The following SLFN12L variants were observed in gnomAD, a reference collection of about 807,000 sequenced individuals.
The protein encoded by SLFN12L is schlafen family member 12-like.
In SLFN12L, 34 loss-of-function variants were observed where a neutral mutation model predicts 34.8. That is an observed-to-expected ratio of 0.98 (90% CI 0.74 to 1.30). The LOEUF (loss-of-function observed/expected upper bound fraction) is 1.30, where lower values mean the gene tolerates loss of function less well. SLFN12L is among the 50% of genes most tolerant of loss of function. The probability of loss-of-function intolerance (pLI) is 0.00; values close to 1 mark genes in which losing one functional copy is unlikely to be tolerated. For synonymous variants in SLFN12L, 259 were observed against 247.5 expected (o/e 1.05, Z -0.44); for missense variants, 703 against 696.2 (o/e 1.01, Z -0.11).
At chr17:35,511,963 A>G (rs1915659887) in intron 2 of SLFN12L, among the ~76,000 whole-genome samples, 2 of 152,160 alleles carry the variant, frequency 1.3e-5, no homozygotes, top group African/African-American at 4.8e-5. Context: ...ACATGGAAAC[A>G]TTCAAGCTGT....
rs995349551 is a variant in SLFN12L at position 35,521,109 on chromosome 17, T to C, written c.86+1170A>G. 1.3e-3 allele frequency among the ~76,000 whole-genome samples: 202 copies of C among 152,280 alleles called. 5 individuals carry two copies. Among genetic ancestry groups the C allele is most frequent in the Non-Finnish European group, 8.8e-5 (6 of 68,020 alleles). ...ACATCAGACAAACCCAAAAGGGACA[T>C]TCTACAAAGTGCCTGAACAGGGCTT... On this transcript the variant is annotated intron_variant, in intron 2 of 4. Transcript: ENST00000628453.
chr17:35,529,497 A>G (rs1392917162), intron 1 of SLFN12L, among the ~76,000 whole-genome samples: 1 of 152,242 alleles, frequency 6.6e-6, no homozygotes, highest in Non-Finnish European at 1.5e-5. Context: ...CATATACACC[A>G]TGGAATACTA....
At position 35,520,943 on chromosome 17, in the gene SLFN12L, T is replaced by C. The variant is rs914780567; in HGVS notation, c.86+1336A>G. ...CCTCCCTTCTCTCAAAGTGCTGCCT[T>C]TCTGTCTAAGCTTCCCCCCAATCAG... On this transcript the variant is annotated intron_variant, in intron 2 of 4. Transcript: ENST00000628453. Among the ~76,000 whole-genome samples the C allele has an allele frequency of 2.6e-5, 4 of 152,234 alleles. 1 individual carries two copies. Among genetic ancestry groups the C allele is most frequent in the South Asian group, 2.1e-4 (1 of 4,818 alleles).
At chr17:35,498,183 G>GTGGGGGGCCGGGGCCGCC (rs1915159754) in intron 2 of SLFN12L, 2 of 624,830 alleles carry the variant, frequency 3.2e-6, no homozygotes, top group Admixed American at 5.0e-5. Flanking sequence ...AGGCGGCGGC[G>GTGGGGGGCCGGGGCCGCC]TGGGGAGCCG....
chr17:35,505,765 C>T (rs536364961), intron 2 of SLFN12L, among the ~76,000 whole-genome samples: 7 of 152,264 alleles, frequency 4.6e-5, no homozygotes, highest in East Asian at 1.9e-4. Context: ...CTGAAGAAGA[C>T]GAGAAGCCCT....
chr17:35,485,831 C>T (rs998810504), intron 2 of SLFN12L, among the ~76,000 whole-genome samples: 2 of 152,072 alleles, frequency 1.3e-5, no homozygotes, highest in Admixed American at 1.3e-4. Flanking sequence ...TTTCAGGGGT[C>T]TTTATTCTGT....
In SLFN12L at chr17:35,508,157, C is replaced by T. The variant is rs1915523145; in HGVS notation, c.86+14122G>A. Among the ~76,000 whole-genome samples, 3 of 152,182 alleles carry T rather than the reference C, an allele frequency of 2.0e-5. No individual in the cohort carries two copies. In the South Asian group the frequency reaches 6.2e-4, roughly 31 times the overall value. On this transcript the variant is annotated intron_variant, in intron 2 of 4. Coordinates refer to ENST00000628453, the MANE Select transcript of SLFN12L (RefSeq NM_001363830.2). The stretch of plus-strand genomic sequence containing the variant: ...TTCTGATTACTGGTGCATGCAGCCC[C>T]CAGTCATGTACCGCCTGCTTGCTCA...
chr17:35,527,171 A>C (rs2072344779), intron 1 of SLFN12L, among the ~76,000 whole-genome samples: 1 of 152,184 alleles, frequency 6.6e-6, no homozygotes, highest in African/African-American at 2.4e-5. Context: ...AAGAAGTCGA[A>C]TCCCTGAATA....
In SLFN12L at chr17:35,475,399, C is replaced by T; in HGVS notation, c.1363G>A (p.Glu455Lys). Residue 455 changes from glutamate to lysine, a missense_variant, in exon 5 of 5, where the codon GAA becomes AAA. Transcript: ENST00000628453. ...CCCTTATTGACAGAGCCCATTTCTT[C>T]ACATATTAATTGCTTAAGTCCTTCA... ...QHEGLKQLIC[E>K]EMGSVNKGSL... The T allele has an allele frequency of 1.2e-6, 2 of 1,614,160 alleles. No individual in the cohort carries two copies. The highest frequency in any genetic ancestry group is 1.7e-6 in the Non-Finnish European group (2 of 1,180,032).
chr17:35,491,073 G>T, intron 2 of SLFN12L: 1 of 782,272 alleles, frequency 1.3e-6, no homozygotes, highest in South Asian at 1.3e-5. Context: ...CCTCTAGTAT[G>T]ACCATTTGTG....
intron 3 of SLFN12L, chr17:35,478,391 C>A: frequency 2.6e-6 from 1 of 388,242 alleles, no homozygotes; most frequent in Non-Finnish European, 4.6e-6. Context: ...GCTGCTGAAA[C>A]ACTCTATACT....
At chr17:35,486,683 C>G (rs1381510107) in intron 2 of SLFN12L, among the ~76,000 whole-genome samples, 1 of 152,194 alleles carries the variant, frequency 6.6e-6, no homozygotes, top group Non-Finnish European at 1.5e-5. Flanking sequence ...AACCTTGGGT[C>G]TAGGTTTACA....
At chr17:35,478,608 C>T (rs1309908717) in intron 3 of SLFN12L, 51 of 165,808 alleles carry the variant, frequency 3.1e-4, no homozygotes, top group Non-Finnish European at 3.8e-5. Context: ...GGAGGCTTTC[C>T]TTTTCCAAAA....
chr17:35,495,546 TC>T (rs1915022585), intron 2 of SLFN12L, among the ~76,000 whole-genome samples: 1 of 152,042 alleles, frequency 6.6e-6, no homozygotes, highest in Admixed American at 6.6e-5. Flanking sequence ...GCCAAAACAA[TC>T]CCCCAGGGCA....
At position 35,472,074 on chromosome 17, in the gene SLFN12L, G is replaced by A. The variant is rs1280280830; in HGVS notation, c.*2849C>T. On this transcript the variant is annotated 3_prime_UTR_variant, in exon 5 of 5. Coordinates refer to ENST00000628453, the MANE Select transcript of SLFN12L (RefSeq NM_001363830.2). ...AAGCTCTTTAGTTTAATTAGATCCC[G>A]TTTGTCAACTTTGGCTTTCGTTGCA... Among the ~76,000 whole-genome samples, 7 of 152,050 alleles carry A rather than the reference G, an allele frequency of 4.6e-5. No individual in the cohort carries two copies. The highest frequency in any genetic ancestry group is 2.1e-4 in the South Asian group (1 of 4,824).
chr17:35,515,762 G>C (rs1915807205), intron 2 of SLFN12L, among the ~76,000 whole-genome samples: 1 of 147,930 alleles, frequency 6.8e-6, no homozygotes. Context: ...TCCTGACCCA[G>C]CCGCATGAGT....
rs563341241 is a variant in SLFN12L at position 35,480,025 on chromosome 17, A to G, written c.257T>C (p.Val86Ala). Reference protein sequence around the residue: ...CQLRKQQNENVSRAVCALLNS... With the variant: ...CQLRKQQNENASRAVCALLNS... ...CAGCAGAGCACACACAGCTCGTGAG[A>G]CATTTTCATTCTGCTGTTTTCTCAG... The change falls in exon 3 of 5, where the codon GTC becomes GCC. Residue 86 changes from valine to alanine, a missense_variant. Transcript: ENST00000628453. 6.8e-6 allele frequency: 11 copies of G among 1,614,170 alleles called. No individual in the cohort carries two copies. In the South Asian group the frequency reaches 1.1e-4, roughly 16 times the overall value.
At chr17:35,530,426 G>A (rs1567693770) in intron 1 of SLFN12L, among the ~76,000 whole-genome samples, 54 of 10,614 alleles carry the variant, frequency 5.1e-3, no homozygotes, top group Middle Eastern at 0.022. Flanking sequence ...AGGAAGGAAG[G>A]AAGGGAAGGG....
intron 2 of SLFN12L, among the ~76,000 whole-genome samples, chr17:35,505,822 A>G (rs975964104): frequency 1.6e-4 from 24 of 152,222 alleles, no homozygotes; most frequent in Admixed American, 6.5e-5. Flanking sequence ...TGGCTGAAGC[A>G]TGAGAAAACT....
Sources: allele counts gnomAD v4.1 joint callset (sites outside exome capture counted in the v4.1 genomes callset), GRCh38; gene constraint gnomAD v4.1.1; transcripts MANE v1.5; gene names NCBI Gene and HGNC (gene_info 2026-07-23, HGNC 2026-07-21).